MAP2K5: variants seen among roughly 807,000 people sequenced by gnomAD.
MAP2K5 encodes mitogen-activated protein kinase kinase 5, also known as dual specificity mitogen-activated protein kinase kinase 5.
A neutral mutation model predicts 83.1 loss-of-function variants in MAP2K5; 49 were observed. That is an observed-to-expected ratio of 0.59 (90% CI 0.47 to 0.75). The LOEUF (loss-of-function observed/expected upper bound fraction) is 0.75, where lower values mean the gene tolerates loss of function less well. Among genes scored for constraint, MAP2K5 ranks in the 30% least tolerant of loss-of-function variants. MAP2K5 has a pLI of 0.00. For synonymous variants in MAP2K5, 202 were observed against 191.8 expected (o/e 1.05, Z -0.44); for missense variants, 457 against 557.5 (o/e 0.82, Z 1.82).
chr15:67,702,972 A>G lies in MAP2K5; in HGVS notation c.973-365A>G, dbSNP rs1409603589. Among the ~76,000 whole-genome samples, 1 of 152,222 alleles carries G rather than the reference A, an allele frequency of 6.6e-6. No individual in the cohort carries two copies. Among genetic ancestry groups the G allele is most frequent in the Non-Finnish European group, 1.5e-5 (1 of 68,032 alleles). On this transcript the variant is annotated intron_variant, in intron 15 of 21. Coordinates refer to ENST00000178640, the MANE Select transcript of MAP2K5 (RefSeq NM_145160.3). The surrounding 1 kb of genome is among the most constrained non-coding windows in gnomAD (Gnocchi z 4.6). ...TTGTGTAATTTGTTACTCCACAACA[A>G]AGACCACTGGATTTGGAGGGAGAGG...
intron 1 of MAP2K5, among the ~76,000 whole-genome samples, chr15:67,547,230 AG>A (rs1472177434): frequency 6.6e-6 from 1 of 152,042 alleles, no homozygotes; most frequent in Non-Finnish European, 1.5e-5. Context: ...CTAGTCTTTC[AG>A]GTTTGTCTTT....
intron 19 of MAP2K5, among the ~76,000 whole-genome samples, chr15:67,761,482 T>C (rs2089948011): frequency 6.6e-6 from 1 of 152,234 alleles, no homozygotes; most frequent in Non-Finnish European, 1.5e-5. Context: ...CAGCCACTGG[T>C]AGTTCTGTTT....
chr15:67,804,057 G>A (rs930060558), intron 21 of MAP2K5, among the ~76,000 whole-genome samples: 3 of 152,132 alleles, frequency 2.0e-5, no homozygotes, highest in Non-Finnish European at 4.4e-5. Context: ...TGCCTCACAG[G>A]ATCCTGTGAC....
At chr15:67,545,859 G>A (rs1426956441) in intron 1 of MAP2K5, among the ~76,000 whole-genome samples, 2 of 152,156 alleles carry the variant, frequency 1.3e-5, no homozygotes, top group Non-Finnish European at 2.9e-5. Flanking sequence ...CATAGTAAGC[G>A]CTCCATTAGT....
In MAP2K5 at chr15:67,729,546, G is replaced by A. The variant is rs538854249; in HGVS notation, c.1074+1601G>A. On this transcript the variant is annotated intron_variant, in intron 17 of 21. Coordinates refer to ENST00000178640, the MANE Select transcript of MAP2K5 (RefSeq NM_145160.3). ...AGCACTTTGGGAGGCCGAGGTGGGC[G>A]GATCACGAGGTCAGGAGATTGAGAC... Among the ~76,000 whole-genome samples the A allele has an allele frequency of 7.9e-5, 12 of 152,132 alleles. No homozygotes were observed. The South Asian group carries it at 1.9e-3, about 24-fold the overall frequency.
rs569924365 is a variant in MAP2K5 at position 67,707,205 on chromosome 15, A to G, written c.1044+3797A>G. Among the ~76,000 whole-genome samples the G allele has an allele frequency of 1.6e-4, 25 of 152,290 alleles. No homozygotes were observed. The Middle Eastern group carries it at 0.027, about 166-fold the overall frequency. On this transcript the variant is annotated intron_variant, in intron 16 of 21. Coordinates refer to ENST00000178640, the MANE Select transcript of MAP2K5 (RefSeq NM_145160.3). ...GCTGGGATTACAGGCGTGAGCCACC[A>G]TGACCAGCTGGTTCTTGTTTTTTCT...
At chr15:67,797,569 C>T (rs1596990376) in intron 21 of MAP2K5, among the ~76,000 whole-genome samples, 1 of 152,194 alleles carries the variant, frequency 6.6e-6, no homozygotes. Flanking sequence ...TTCTAGGCAA[C>T]ATGTGTTTCT....
At chr15:67,791,484 C>T (rs1488862637) in intron 21 of MAP2K5, among the ~76,000 whole-genome samples, 1 of 152,182 alleles carries the variant, frequency 6.6e-6, no homozygotes, top group Non-Finnish European at 1.5e-5. Context: ...TTATCATTTA[C>T]TTTCTGATAG....
intron 16 of MAP2K5, among the ~76,000 whole-genome samples, chr15:67,716,153 A>G (rs2088822189): frequency 6.6e-6 from 1 of 152,170 alleles, no homozygotes; most frequent in Non-Finnish European, 1.5e-5. Context: ...TTAAAAAAGA[A>G]TACTTGATCA....
At chr15:67,568,177 C>G (rs752396050) in intron 3 of MAP2K5, among the ~76,000 whole-genome samples, 3 of 152,116 alleles carry the variant, frequency 2.0e-5, no homozygotes, top group Non-Finnish European at 4.4e-5. Context: ...ATACATTTTA[C>G]TGTAGTGCCT....
chr15:67,697,232 G>A (rs1199828395), intron 15 of MAP2K5, among the ~76,000 whole-genome samples: 2 of 152,112 alleles, frequency 1.3e-5, no homozygotes, highest in Admixed American at 1.3e-4. Flanking sequence ...GCATACTTCT[G>A]TATAGTGATA....
At chr15:67,602,276 A>T (rs1241196249) in intron 8 of MAP2K5, among the ~76,000 whole-genome samples, 1 of 152,214 alleles carries the variant, frequency 6.6e-6, no homozygotes, top group Admixed American at 6.5e-5. Context: ...AGGAAGAAGG[A>T]ACATGTATAC....
Position 67,802,132 on chromosome 15 carries a change from A to G in MAP2K5, c.1243-4514A>G, listed in dbSNP as rs983450145. On this transcript the variant is annotated intron_variant, in intron 21 of 21. Transcript: ENST00000178640. The surrounding 1 kb of genome is among the most constrained non-coding windows in gnomAD (Gnocchi z 5.0). ...AGGGGCCCGGGAGTGTCCTGCTGTC[A>G]GTCCATCAGGAAGGCATCTCAGCAC... is the stretch of plus-strand genomic sequence containing the variant. Among the ~76,000 whole-genome samples, 1 of 152,200 alleles carries G rather than the reference A, an allele frequency of 6.6e-6. No individual in the cohort carries two copies. Among genetic ancestry groups the G allele is most frequent in the Non-Finnish European group, 1.5e-5 (1 of 68,044 alleles).
intron 12 of MAP2K5, among the ~76,000 whole-genome samples, chr15:67,660,490 T>A (rs1472603861): frequency 6.6e-6 from 1 of 152,130 alleles, no homozygotes; most frequent in Admixed American, 6.6e-5. Flanking sequence ...TCCTTGGTCA[T>A]TTCTCTGAAA....
rs1016751747 is a variant in MAP2K5 at position 67,615,313 on chromosome 15, A to T, written c.545+14564A>T. ...GTGCCCGGCCTGTTTCTTAACCACA[A>T]ATTATTTTGTAATCAGTAGTCAAGC... is the stretch of plus-strand genomic sequence containing the variant. On this transcript the variant is annotated intron_variant, in intron 8 of 21. Coordinates refer to ENST00000178640, the MANE Select transcript of MAP2K5 (RefSeq NM_145160.3). Among the ~76,000 whole-genome samples, 6 of 152,100 alleles carry T rather than the reference A, an allele frequency of 3.9e-5. No individual in the cohort carries two copies. The East Asian group carries it at 1.2e-3, about 29-fold the overall frequency.
chr15:67,544,687 A>T (rs1381372075), intron 1 of MAP2K5, among the ~76,000 whole-genome samples: 1 of 152,240 alleles, frequency 6.6e-6, no homozygotes, highest in Non-Finnish European at 1.5e-5. Context: ...TCCGAAAAGC[A>T]CATCACTACC....
At chr15:67,772,328 T>A (rs181465630) in intron 20 of MAP2K5, among the ~76,000 whole-genome samples, 221 of 152,366 alleles carry the variant, frequency 1.5e-3, no homozygotes, top group Admixed American at 4.6e-3. Flanking sequence ...AAAAAAGGTA[T>A]ATTCTCTAAA....
intron 16 of MAP2K5, among the ~76,000 whole-genome samples, chr15:67,726,359 GTTTTTGTATGTGGCTT>G (rs2141246389): frequency 6.6e-6 from 1 of 152,278 alleles, no homozygotes; most frequent in South Asian, 2.1e-4. Flanking sequence ...AAAATATTTA[GTTTTTGTATGTGGCTT>G]TGGGTTTTGG....
rs1237268978 is a variant in MAP2K5, at chr15:67,750,873, G to C, written c.1134+2272G>C. Among the ~76,000 whole-genome samples the C allele has an allele frequency of 6.6e-6, 1 of 152,036 alleles. No homozygotes were observed. Among genetic ancestry groups the C allele is most frequent in the Non-Finnish European group, 1.5e-5 (1 of 68,030 alleles). ...GTTGTGAAGTGGGTATCTGTTGCTAGTATATACTATTTCCTGTTAGAGAAA... is the reference window on the plus strand; with the variant it reads ...GTTGTGAAGTGGGTATCTGTTGCTACTATATACTATTTCCTGTTAGAGAAA... On this transcript the variant is annotated intron_variant, in intron 19 of 21. Coordinates refer to ENST00000178640, the MANE Select transcript of MAP2K5 (RefSeq NM_145160.3). The surrounding 1 kb of genome is among the most constrained non-coding windows in gnomAD (Gnocchi z 4.2).
Sources: gnomAD v4.1 joint callset for allele counts (sites outside exome capture counted in the v4.1 genomes callset) on GRCh38, gnomAD v4.1.1 for gene constraint, Gnocchi (gnomAD v3.1) non-coding constraint, MANE v1.5 for transcripts, NCBI Gene and HGNC (gene_info 2026-07-23, HGNC 2026-07-21) for gene names.